Variants in CLASP2 observed in about 807,000 individuals in gnomAD.
The protein encoded by CLASP2 is cytoplasmic linker associated protein 2, also known as CLIP-associating protein 2.
A neutral mutation model predicts 194.4 loss-of-function variants in CLASP2; 47 were observed. The observed-to-expected ratio is 0.24, with a 90% CI of 0.19 to 0.31. The LOEUF is 0.31. Among genes scored for constraint, CLASP2 ranks in the 10% least tolerant of loss-of-function variants. The pLI, the probability that CLASP2 is intolerant of heterozygous loss-of-function variation, is 1.00. For synonymous variants in CLASP2, 619 were observed against 633.5 expected, an observed-to-expected ratio of 0.98 and a Z score of 0.34; for missense variants, 1,445 against 1,823.6, an observed-to-expected ratio of 0.79 and a Z score of 3.78.
At chr3:33,520,820 T>TACAC (rs57151303) in intron 34 of CLASP2, among the ~76,000 whole-genome samples, 2,809 of 142,494 alleles carry the variant, frequency 0.02, 32 homozygotes, top group East Asian at 0.037. Flanking sequence ...TGTAAATCTC[T>TACAC]ACACACACAC....
intron 6 of CLASP2, among the ~76,000 whole-genome samples, chr3:33,675,579 C>G (rs2088410066): frequency 6.7e-6 from 1 of 149,506 alleles, no homozygotes. Context: ...GTTGGAAGTT[C>G]TGGCCAGGGC....
At chr3:33,521,657 T>C (rs1459525348) in intron 34 of CLASP2, among the ~76,000 whole-genome samples, 6 of 152,184 alleles carry the variant, frequency 3.9e-5, no homozygotes, top group Non-Finnish European at 5.9e-5. Context: ...GGTTCTGAAA[T>C]GGATCCTTTA....
rs556359191 is a variant in CLASP2, at chr3:33,511,101, T to A, written c.4111-337A>T. On this transcript the variant is annotated intron_variant, in intron 36 of 38. Coordinates refer to ENST00000682230, the MANE Select transcript of CLASP2 (RefSeq NM_001365631.1). Reference sequence around the variant, plus strand: ...AGGAAGGAGTGCAGTGGCTTGATCATCAGTCACTATAGCCTCAAACTCCCA... The same window carrying A: ...AGGAAGGAGTGCAGTGGCTTGATCAACAGTCACTATAGCCTCAAACTCCCA... 4.7e-5 allele frequency among the ~76,000 whole-genome samples: 7 copies of A among 150,164 alleles called. No homozygotes were observed. The Admixed American group carries it at 4.7e-4, about 10-fold the overall frequency.
At chr3:33,526,174 T>C (rs1484444277) in intron 34 of CLASP2, among the ~76,000 whole-genome samples, 1 of 152,062 alleles carries the variant, frequency 6.6e-6, no homozygotes, top group Non-Finnish European at 1.5e-5. Context: ...GTTTTTACCA[T>C]GTTGGCCAGG....
At position 33,619,596 on chromosome 3, in the gene CLASP2, A is replaced by C. The variant is rs775122539; in HGVS notation, c.1317+7T>G. On this transcript the variant is annotated splice_region_variant and intron_variant, in intron 12 of 38. Transcript: ENST00000682230. Reference sequence around the variant, plus strand: ...GGCAGCAGTAGAAAACGAGAGAGCAAACCTACCCGAATGATAAATCTGATT... The same window carrying C: ...GGCAGCAGTAGAAAACGAGAGAGCACACCTACCCGAATGATAAATCTGATT... 18 of 1,546,364 alleles carry C rather than the reference A, an allele frequency of 1.2e-5. No individual in the cohort carries two copies. Among genetic ancestry groups the C allele is most frequent in the South Asian group, 6.0e-5 (5 of 83,074 alleles).
At chr3:33,659,180 G>A in intron 7 of CLASP2, 1 of 1,371,700 alleles carries the variant, frequency 7.3e-7, no homozygotes, top group South Asian at 2.0e-5. Flanking sequence ...AAAAGTCTGG[G>A]GTCTTGCTGA....
At chr3:33,577,800 C>T in intron 23 of CLASP2, among the ~76,000 whole-genome samples, 1 of 152,118 alleles carries the variant, frequency 6.6e-6, no homozygotes, top group East Asian at 1.9e-4. Context: ...AGTGCCTTTA[C>T]AAAAGAGACC....
chr3:33,606,315 G>A (rs893924286), intron 16 of CLASP2, among the ~76,000 whole-genome samples: 4 of 151,616 alleles, frequency 2.6e-5, no homozygotes, highest in African/African-American at 7.3e-5. Flanking sequence ...CTGTTTTTGT[G>A]GTATTAAAAA....
At chr3:33,505,256 A>ACAG (rs2047844384) in intron 37 of CLASP2, 1 of 151,418 alleles carries the variant, frequency 6.6e-6, no homozygotes, top group African/African-American at 2.4e-5. Context: ...AACAACAACA[A>ACAG]CAACAACAAC....
intron 18 of CLASP2, among the ~76,000 whole-genome samples, chr3:33,600,490 T>C (rs573491141): frequency 5.6e-4 from 85 of 152,334 alleles, no homozygotes; most frequent in African/African-American, 1.8e-3. Flanking sequence ...TGGTCCTTTC[T>C]TCTATTAATA....
intron 1 of CLASP2, among the ~76,000 whole-genome samples, chr3:33,713,012 C>CAGAAAAAAAAAAAAAAAAAAAAAAAAA (rs1559717375): frequency 1.9e-4 from 9 of 47,006 alleles, no homozygotes; most frequent in Non-Finnish European, 2.5e-4. Context: ...AACTCCACCT[C>CAGAAAAAAAAAAAAAAAAAAAAAAAAA]AAAAAAAAAA....
intron 16 of CLASP2, among the ~76,000 whole-genome samples, chr3:33,605,909 C>A (rs965669487): frequency 6.6e-6 from 1 of 152,076 alleles, no homozygotes; most frequent in Admixed American, 6.5e-5. Context: ...CCATGCCTGG[C>A]CTAAGCTGAC....
In CLASP2 at chr3:33,510,549, G is replaced by A. The variant is rs764845861; in HGVS notation, c.4317+9C>T. On this transcript the variant is annotated intron_variant, in intron 37 of 38. Transcript: ENST00000682230. ...CATGGCTTATTCCTCTCCAAGCTTT[G>A]TTGCTTACCTGTATTAGACCTGGCA... The A allele has an allele frequency of 1.3e-5, 21 of 1,612,686 alleles. No homozygotes were observed. The highest frequency in any genetic ancestry group is 1.8e-5 in the Non-Finnish European group (21 of 1,178,954).
intron 1 of CLASP2, among the ~76,000 whole-genome samples, chr3:33,714,599 T>C (rs974887444): frequency 6.6e-6 from 1 of 152,082 alleles, no homozygotes; most frequent in African/African-American, 2.4e-5. Context: ...TACCACCAAA[T>C]CACAGCCCAA....
chr3:33,619,198 G>A (rs1327774354), intron 12 of CLASP2, among the ~76,000 whole-genome samples: 2 of 152,126 alleles, frequency 1.3e-5, no homozygotes, highest in African/African-American at 4.8e-5. Context: ...ATAATCTTAT[G>A]GGACCACTGT....
At chr3:33,508,096 G>A (rs1232601099) in intron 37 of CLASP2, among the ~76,000 whole-genome samples, 1 of 151,756 alleles carries the variant, frequency 6.6e-6, no homozygotes, top group Non-Finnish European at 1.5e-5. Context: ...CCAGGCTCAG[G>A]TGATTCTCCT....
chr3:33,527,414 G>T (rs911260013), intron 34 of CLASP2, among the ~76,000 whole-genome samples: 1 of 152,252 alleles, frequency 6.6e-6, no homozygotes, highest in Non-Finnish European at 1.5e-5. Flanking sequence ...ACTGATGCAG[G>T]AAGAAACTGA....
intron 37 of CLASP2, among the ~76,000 whole-genome samples, chr3:33,510,007 C>T (rs907315125): frequency 6.6e-6 from 1 of 152,046 alleles, no homozygotes; most frequent in Non-Finnish European, 1.5e-5. Flanking sequence ...AACAGATGAA[C>T]AGATTAACAA....
chr3:33,646,791 C>G (rs755665435), intron 7 of CLASP2, among the ~76,000 whole-genome samples: 28 of 152,082 alleles, frequency 1.8e-4, no homozygotes, highest in Non-Finnish European at 2.9e-5. Flanking sequence ...AATGATCATG[C>G]CAGTATAACC....
Sources: gnomAD v4.1 joint callset for allele counts (sites outside exome capture counted in the v4.1 genomes callset) on GRCh38, gnomAD v4.1.1 for gene constraint, MANE v1.5 for transcripts, NCBI Gene and HGNC (gene_info 2026-07-23, HGNC 2026-07-21) for gene names.